Variants in CTNNA3 observed in about 807,000 individuals in gnomAD.
The protein encoded by CTNNA3 is catenin alpha-3.
CTNNA3 carries 76 observed loss-of-function variants against 95.7 expected under a neutral mutation model. That is an observed-to-expected ratio of 0.79 (90% CI 0.66 to 0.96). The LOEUF (loss-of-function observed/expected upper bound fraction) is 0.96, where lower values mean the gene tolerates loss of function less well. CTNNA3 is among the 40% of genes least tolerant of loss of function. The pLI is 0.00. For synonymous variants in CTNNA3, 431 were observed against 374.4 expected, an observed-to-expected ratio of 1.15 and a Z score of -1.74; for missense variants, 1,191 against 1,089.8, an observed-to-expected ratio of 1.09 and a Z score of -1.31.
rs541082420 is a variant in CTNNA3 at position 66,292,483 on chromosome 10, G to A, written c.1733-11862C>T. 2.0e-3 allele frequency among the ~76,000 whole-genome samples: 308 copies of A among 152,168 alleles called. 2 individuals carry two copies. The highest frequency in any genetic ancestry group is 7.0e-3 in the African/African-American group (290 of 41,542). On this transcript the variant is annotated intron_variant, in intron 12 of 17. Coordinates refer to ENST00000433211, the MANE Select transcript of CTNNA3 (RefSeq NM_013266.4). Reference sequence around the variant, plus strand: ...CATTGAATCAGTTGCTGTGAATTTCGTGTAGGTCTCTCTCAATGGAAAAGT... The same window carrying A: ...CATTGAATCAGTTGCTGTGAATTTCATGTAGGTCTCTCTCAATGGAAAAGT...
At chr10:67,258,288 T>A (rs1388596379) in intron 5 of CTNNA3, among the ~76,000 whole-genome samples, 1 of 151,986 alleles carries the variant, frequency 6.6e-6, no homozygotes, top group Non-Finnish European at 1.5e-5. Context: ...GGACTACAGG[T>A]GCACACCACC....
At chr10:66,299,612 C>T (rs2091831483) in intron 12 of CTNNA3, among the ~76,000 whole-genome samples, 1 of 152,096 alleles carries the variant, frequency 6.6e-6, no homozygotes, top group African/African-American at 2.4e-5. Context: ...CAAAGCATCA[C>T]ACTCATTGGA....
At chr10:66,769,601 C>G (rs939809706) in intron 8 of CTNNA3, among the ~76,000 whole-genome samples, 3 of 152,152 alleles carry the variant, frequency 2.0e-5, no homozygotes, top group African/African-American at 7.2e-5. Flanking sequence ...TTCCTTGTGT[C>G]TCTTTGTTAT....
chr10:66,283,838 T>C (rs2132168734), intron 12 of CTNNA3, among the ~76,000 whole-genome samples: 1 of 152,006 alleles, frequency 6.6e-6, no homozygotes, highest in South Asian at 2.1e-4. Flanking sequence ...TTTTTAATGC[T>C]TTCAAGAAAA....
chr10:66,158,057 T>C (rs1427356796), intron 13 of CTNNA3, among the ~76,000 whole-genome samples: 2 of 152,182 alleles, frequency 1.3e-5, no homozygotes, highest in African/African-American at 4.8e-5. Context: ...AGATTCTGTA[T>C]ATTAGTCCTT....
chr10:67,727,911 G>GTATAATATAGTATA (rs1841249882), intron 1 of CTNNA3, among the ~76,000 whole-genome samples: 1 of 105,430 alleles, frequency 9.5e-6, no homozygotes, highest in Non-Finnish European at 1.8e-5. Context: ...AATATATTAT[G>GTATAATATAGTATA]TATATTATAT....
intron 10 of CTNNA3, among the ~76,000 whole-genome samples, chr10:66,565,196 T>A (rs1469347184): frequency 1.3e-4 from 20 of 152,310 alleles, no homozygotes; most frequent in African/African-American, 4.6e-4. Context: ...TGACAGCACC[T>A]ATAAAACAAT....
chr10:67,757,001 GT>G (rs757631791), intron 1 of CTNNA3, among the ~76,000 whole-genome samples: 3 of 152,076 alleles, frequency 2.0e-5, no homozygotes, highest in Non-Finnish European at 4.4e-5. Context: ...ACATCATATT[GT>G]TTTCACAACA....
At chr10:67,376,030 A>G (rs751791819) in intron 5 of CTNNA3, among the ~76,000 whole-genome samples, 3 of 152,192 alleles carry the variant, frequency 2.0e-5, no homozygotes, top group Non-Finnish European at 4.4e-5. Context: ...ACTGTCTATG[A>G]GAAAGTGGGC....
In CTNNA3 at chr10:67,092,941, A is replaced by G. The variant is rs1039862170; in HGVS notation, c.1047+87376T>C. 6.6e-5 allele frequency among the ~76,000 whole-genome samples: 10 copies of G among 152,064 alleles called. 1 individual carries two copies. In the East Asian group the frequency reaches 1.9e-3, roughly 29 times the overall value. Reference sequence around the variant, plus strand: ...CTCATTATTACAATAGCATATAACGATTTTCTTAGCTAAGAGTATACATGA... The same window carrying G: ...CTCATTATTACAATAGCATATAACGGTTTTCTTAGCTAAGAGTATACATGA... On this transcript the variant is annotated intron_variant, in intron 7 of 17. Transcript: ENST00000433211.
chr10:66,939,358 T>C (rs1225879087), intron 7 of CTNNA3, among the ~76,000 whole-genome samples: 1 of 152,134 alleles, frequency 6.6e-6, no homozygotes, highest in Non-Finnish European at 1.5e-5. Flanking sequence ...TCTATCCAAC[T>C]TTTAAGTCAA....
At chr10:67,709,554 T>C (rs924002155) in intron 1 of CTNNA3, among the ~76,000 whole-genome samples, 6 of 152,020 alleles carry the variant, frequency 3.9e-5, no homozygotes, top group Non-Finnish European at 5.9e-5. Context: ...CCTTGAAAAA[T>C]CTAGTTTTCA....
chr10:67,077,281 C>G (rs1856792933), intron 7 of CTNNA3, among the ~76,000 whole-genome samples: 1 of 152,204 alleles, frequency 6.6e-6, no homozygotes, highest in African/African-American at 2.4e-5. Flanking sequence ...CAAACCAGTT[C>G]TTATCACTCT....
chr10:66,851,623 T>TC (rs1843494756), intron 7 of CTNNA3, among the ~76,000 whole-genome samples: 1 of 33,782 alleles, frequency 3.0e-5, no homozygotes, highest in Non-Finnish European at 5.8e-5. Context: ...ACCTCTCTCT[T>TC]TCTCTCACAT....
intron 5 of CTNNA3, among the ~76,000 whole-genome samples, chr10:67,382,645 G>A (rs1378071294): frequency 6.6e-6 from 1 of 152,108 alleles, no homozygotes; most frequent in Non-Finnish European, 1.5e-5. Context: ...GCCTCCCTGT[G>A]TTGGTCCATT....
intron 5 of CTNNA3, among the ~76,000 whole-genome samples, chr10:67,313,100 A>G (rs1303857348): frequency 1.3e-5 from 2 of 152,098 alleles, no homozygotes; most frequent in African/African-American, 4.8e-5. Context: ...ATTGATAGTA[A>G]ATTACCACGG....
rs1166987818 is a variant in CTNNA3, at chr10:65,916,331, A to G, written c.*3999T>C. ...CTGTCTTGGCAAAAAATAGGCCAAC[A>G]AAAGAAAGTACAGATTTCATTCAAA... is the stretch of plus-strand genomic sequence containing the variant. On this transcript the variant is annotated 3_prime_UTR_variant, in exon 18 of 18. Coordinates refer to ENST00000433211, the MANE Select transcript of CTNNA3 (RefSeq NM_013266.4). 2.0e-5 allele frequency: 3 copies of G among 152,176 alleles called. No homozygotes were observed. Among genetic ancestry groups the G allele is most frequent in the Non-Finnish European group, 4.4e-5 (3 of 68,024 alleles). 9.4% of individuals were successfully genotyped at this position (152,176 alleles called of 1,614,324 possible). A position where few individuals can be genotyped will look rare whatever the true frequency, so the allele number is the denominator to read the frequency against.
chr10:67,549,050 G>T (rs924006238), intron 3 of CTNNA3, among the ~76,000 whole-genome samples: 3 of 152,036 alleles, frequency 2.0e-5, no homozygotes, highest in African/African-American at 7.2e-5. Flanking sequence ...CATAATTAAA[G>T]ATGTACAGAG....
intron 5 of CTNNA3, among the ~76,000 whole-genome samples, chr10:67,315,781 G>C (rs1256358184): frequency 6.6e-6 from 1 of 152,070 alleles, no homozygotes. Flanking sequence ...AAAATCAGAG[G>C]AGGGGGAGGG....
Sources: allele counts gnomAD v4.1 joint callset (sites outside exome capture counted in the v4.1 genomes callset), GRCh38; gene constraint gnomAD v4.1.1; transcripts MANE v1.5; gene names NCBI Gene and HGNC (gene_info 2026-07-23, HGNC 2026-07-21).